Variants in ME3 observed in about 807,000 individuals in gnomAD.
The protein encoded by ME3 is NADP-dependent malic enzyme, mitochondrial.
In ME3, 48 loss-of-function variants were observed where a neutral mutation model predicts 68.9. The observed-to-expected ratio is 0.70, with a 90% CI of 0.55 to 0.89. The LOEUF (loss-of-function observed/expected upper bound fraction) is 0.89. ME3 is among the 40% of genes least tolerant of loss of function. The probability of loss-of-function intolerance (pLI) is 0.00; values close to 1 mark genes in which losing one functional copy is unlikely to be tolerated. For missense variants in ME3, 675 were observed against 797.4 expected, an observed-to-expected ratio of 0.85 and a Z score of 1.85; for synonymous variants, 320 against 318.8, an observed-to-expected ratio of 1.00 and a Z score of -0.04.
intron 2 of ME3, among the ~76,000 whole-genome samples, chr11:86,647,157 A>G (rs1945073175): frequency 6.6e-6 from 1 of 152,228 alleles, no homozygotes; most frequent in South Asian, 2.1e-4. Context: ...TGGGCAAAAT[A>G]ACCAGCTAGC....
chr11:86,482,548 A>G (rs574493854), intron 7 of ME3, among the ~76,000 whole-genome samples: 2 of 150,178 alleles, frequency 1.3e-5, no homozygotes, highest in Admixed American at 6.7e-5. Flanking sequence ...CATACCTCCT[A>G]GTATTTATTT....
intron 1 of ME3, 71 bp downstream of exon 1, chr11:86,672,253 C>T: frequency 3.1e-6 from 1 of 326,116 alleles, no homozygotes; most frequent in Non-Finnish European, 5.5e-6. Flanking sequence ...GAGGCGACTG[C>T]GCGGCGAGGG....
chr11:86,504,345 TCA>T (rs923335986), intron 5 of ME3, among the ~76,000 whole-genome samples: 1 of 148,130 alleles, frequency 6.8e-6, no homozygotes, highest in Non-Finnish European at 1.5e-5. Context: ...TCACTTAACC[TCA>T]GTTTGCTCAT....
intron 8 of ME3, among the ~76,000 whole-genome samples, chr11:86,463,592 C>T (rs1434542749): frequency 6.6e-6 from 1 of 152,230 alleles, no homozygotes; most frequent in East Asian, 1.9e-4. Flanking sequence ...GGCACCATGT[C>T]CCAGCTTTCT....
At chr11:86,598,699 C>T (rs1000253012) in intron 2 of ME3, among the ~76,000 whole-genome samples, 1 of 152,206 alleles carries the variant, frequency 6.6e-6, no homozygotes, top group African/African-American at 2.4e-5. Flanking sequence ...GGAGGCACCC[C>T]CCAGTAGGGG....
At chr11:86,570,057 G>A (rs1334565828) in intron 2 of ME3, among the ~76,000 whole-genome samples, 1 of 152,154 alleles carries the variant, frequency 6.6e-6, no homozygotes, top group Non-Finnish European at 1.5e-5. Context: ...CTGCAAACAG[G>A]TGTGCCTGCA....
At chr11:86,672,022 C>A (rs1007895057) in intron 1 of ME3, 64 bp from the exon 2 acceptor site, 4 of 1,257,548 alleles carry the variant, frequency 3.2e-6, no homozygotes, top group Non-Finnish European at 4.1e-6. Flanking sequence ...ACGCGCGCTG[C>A]GGGGCACCGG....
At chr11:86,548,864 G>A (rs186278178) in intron 4 of ME3, among the ~76,000 whole-genome samples, 31 of 152,302 alleles carry the variant, frequency 2.0e-4, no homozygotes, top group East Asian at 1.9e-3. Flanking sequence ...ACAGTGGGCC[G>A]TGGAAATGTC....
chr11:86,610,052 C>T (rs1214324336), intron 2 of ME3, among the ~76,000 whole-genome samples: 2 of 152,168 alleles, frequency 1.3e-5, no homozygotes, highest in African/African-American at 2.4e-5. Context: ...AGGCTACATA[C>T]ATTTCATATA....
intron 4 of ME3, among the ~76,000 whole-genome samples, chr11:86,544,409 C>G (rs755231627): frequency 1.3e-5 from 2 of 151,866 alleles, no homozygotes; most frequent in Admixed American, 1.3e-4. Context: ...CACTGCTAGC[C>G]AGACTAATAA....
At chr11:86,482,314 T>A (rs1951459754) in intron 7 of ME3, among the ~76,000 whole-genome samples, 2 of 152,202 alleles carry the variant, frequency 1.3e-5, no homozygotes, top group Non-Finnish European at 2.9e-5. Context: ...AGAGGAGGAC[T>A]GTTTATTTCT....
chr11:86,490,129 G>A (rs577503162), intron 6 of ME3, among the ~76,000 whole-genome samples: 5 of 152,166 alleles, frequency 3.3e-5, no homozygotes, highest in East Asian at 1.9e-4. Flanking sequence ...TCATATCACT[G>A]TATTAGGTGT....
intron 2 of ME3, among the ~76,000 whole-genome samples, chr11:86,646,727 A>G (rs1945041794): frequency 6.6e-6 from 1 of 152,202 alleles, no homozygotes; most frequent in Non-Finnish European, 1.5e-5. Context: ...CCATGAGAAG[A>G]GTAACCCCAA....
At chr11:86,480,651 C>T (rs632538) in intron 7 of ME3, among the ~76,000 whole-genome samples, 128,318 of 152,206 alleles carry the variant, frequency 0.84, 54,278 homozygotes, top group Non-Finnish European at 0.88. Context: ...TTCTTGCCCA[C>T]GATGTGTCTT....
Position 86,594,801 on chromosome 11 carries a change from A to G in ME3, c.184-34978T>C, listed in dbSNP as rs1959192907. ...AAATAATCCCAGTCCCAAAGCAGGG[A>G]TGGCAAGAGTGGAAATGCCTCTGAT... On this transcript the variant is annotated intron_variant, in intron 2 of 14. Transcript: ENST00000543262. 1.4e-5 allele frequency among the ~76,000 whole-genome samples: 2 copies of G among 147,050 alleles called. 1 individual carries two copies. Among genetic ancestry groups the G allele is most frequent in the Admixed American group, 1.4e-4 (2 of 13,842 alleles).
intron 2 of ME3, among the ~76,000 whole-genome samples, chr11:86,662,414 C>G (rs1946341746): frequency 6.6e-6 from 1 of 151,854 alleles, no homozygotes; most frequent in African/African-American, 2.4e-5. Flanking sequence ...CATAACAAGA[C>G]CTTGTCTCTA....
chr11:86,559,845 C>A lies in ME3; in HGVS notation c.184-22G>T, dbSNP rs1029062047. 1.9e-6 allele frequency: 3 copies of A among 1,611,964 alleles called. No homozygotes were observed. The Admixed American group carries it at 5.0e-5, about 27-fold the overall frequency. ...TCCCCTGGGAAAAACAGGAAAAGAA[C>A]ACCCACACATAAGTGCATACTCAGG... On this transcript the variant is annotated intron_variant, in intron 2 of 14. Coordinates refer to ENST00000543262, the Ensembl canonical transcript of ME3.
At chr11:86,649,362 G>T (rs1224083030) in intron 2 of ME3, among the ~76,000 whole-genome samples, 1 of 152,138 alleles carries the variant, frequency 6.6e-6, no homozygotes, top group African/African-American at 2.4e-5. Context: ...ATATCATACT[G>T]AATGGGCACA....
At chr11:86,608,597 G>C (rs1261915749) in intron 2 of ME3, among the ~76,000 whole-genome samples, 1 of 152,182 alleles carries the variant, frequency 6.6e-6, no homozygotes, top group African/African-American at 2.4e-5. Flanking sequence ...GGCAGAACTT[G>C]TGGGCTTGGA....
Sources: allele counts gnomAD v4.1 joint callset (sites outside exome capture counted in the v4.1 genomes callset), GRCh38; gene constraint gnomAD v4.1.1; transcripts MANE v1.5; gene names NCBI Gene and HGNC (gene_info 2026-07-23, HGNC 2026-07-21).